The following EIF4G2 variants were observed in gnomAD, a reference collection of about 807,000 sequenced individuals.
EIF4G2 encodes the protein eukaryotic translation initiation factor 4 gamma 2.
Under a neutral mutation model 117.7 loss-of-function variants are expected in EIF4G2, and 8 were observed. That is an observed-to-expected ratio of 0.07 (90% CI 0.04 to 0.12). The LOEUF (loss-of-function observed/expected upper bound fraction) is 0.12, where lower values mean the gene tolerates loss of function less well. EIF4G2 is among the 10% of genes least tolerant of loss of function. EIF4G2 has a pLI of 1.00. For missense variants in EIF4G2, 812 were observed against 1,086.2 expected, an observed-to-expected ratio of 0.75 and a Z score of 3.55; for synonymous variants, 413 against 367.8, an observed-to-expected ratio of 1.12 and a Z score of -1.41.
chr11:10,805,142 TACTC>T, intron 4 of EIF4G2, 127 bp from the exon 5 acceptor site: 1 of 741,948 alleles, frequency 1.3e-6, no homozygotes, highest in East Asian at 2.7e-5. Flanking sequence ...CATGTTTTCT[TACTC>T]ATCTAAAACC....
chr11:10,802,274 C>T lies in EIF4G2; in HGVS notation c.1138+20G>A. 6.2e-7 allele frequency: 1 copy of T among 1,611,336 alleles called. No homozygotes were observed. Among genetic ancestry groups the T allele is most frequent in the Non-Finnish European group, 8.5e-7 (1 of 1,178,598 alleles). ...AACTGATTTTTCAGCTTAACGCAAC[C>T]ATTGTTTTTTCAAAATTACCTGGCA... On this transcript the variant is annotated intron_variant, in intron 12 of 21. Transcript: ENST00000339995.
At position 10,803,709 on chromosome 11, in the gene EIF4G2, G is replaced by T; in HGVS notation, c.703-119C>A. ...CAGTTCCTACAGAATCTAGTATAGG[G>T]CTTTCTACCAGTCTGGTTGATCAGT... On this transcript the variant is annotated intron_variant, in intron 8 of 21. Coordinates refer to ENST00000339995, the MANE Select transcript of EIF4G2 (RefSeq NM_001418.4). The surrounding 1 kb of genome is among the most constrained non-coding windows in gnomAD (Gnocchi z 4.0). The T allele has an allele frequency of 9.0e-7, 1 of 1,114,950 alleles. No individual in the cohort carries two copies. The highest frequency in any genetic ancestry group is 1.3e-6 in the Non-Finnish European group (1 of 768,406). The allele number at this position is 1,114,950 out of a possible 1,614,324, so 69.1% of individuals were successfully genotyped here.
chr11:10,808,517 T>C, intron 1 of EIF4G2, 188 bp downstream of exon 1: 1 of 1,214,540 alleles, frequency 8.2e-7, no homozygotes, highest in Non-Finnish European at 1.0e-6. Context: ...TTCTACTCCG[T>C]CAGCAACAGG....
intron 21 of EIF4G2, 141 bp downstream of exon 21, chr11:10,798,851 G>C: frequency 1.0e-6 from 1 of 969,472 alleles, no homozygotes; most frequent in Non-Finnish European, 1.5e-6. Flanking sequence ...GCTTCAAATA[G>C]TGCAGAATGA....
At chr11:10,807,867 G>A in intron 1 of EIF4G2, 1 of 994,988 alleles carries the variant, frequency 1.0e-6, no homozygotes. Context: ...GGGGCCGGGT[G>A]TACAGGACTA....
chr11:10,799,113 C>G lies in EIF4G2; in HGVS notation c.2537G>C (p.Gly846Ala). The G allele has an allele frequency of 6.8e-7, 1 of 1,468,066 alleles. No individual in the cohort carries two copies. The highest frequency in any genetic ancestry group is 9.0e-7 in the Non-Finnish European group (1 of 1,113,328). 90.9% of individuals were successfully genotyped at this position (1,468,066 alleles called of 1,614,324 possible). Residue 846 changes from glycine to alanine, a missense_variant and splice_region_variant, in exon 21 of 22, where the codon GGC becomes GCC. Around this residue, in one of 4 missense-constraint regions of EIF4G2, gnomAD observed 571 missense variants for 642.3 expected, o/e 0.89. Coordinates refer to ENST00000339995, the MANE Select transcript of EIF4G2 (RefSeq NM_001418.4). ...GTGCACAAAAAAGCGAAGTAACATGCCTTAAAAAAAAAAAAAAAAAGAAAA... is the reference window on the plus strand; with the variant it reads ...GTGCACAAAAAAGCGAAGTAACATGGCTTAAAAAAAAAAAAAAAAAGAAAA...
rs74321890 is a variant in EIF4G2, at chr11:10,803,204, G to C, written c.897+7C>G. ...CTTACCAACAAATTTAAAGAAACCA[G>C]TATTACCTGCAGCAGGAAACGAATC... is the stretch of plus-strand genomic sequence containing the variant. On this transcript the variant is annotated splice_region_variant and intron_variant, in intron 10 of 21. Transcript: ENST00000339995. The surrounding 1 kb of genome is among the most constrained non-coding windows in gnomAD (Gnocchi z 4.0). The C allele has an allele frequency of 1.3e-3, 2,118 of 1,612,856 alleles. 35 individuals are homozygous for C. The African/African-American group carries it at 0.026, about 20-fold the overall frequency.
Position 10,803,632 on chromosome 11 carries a change from C to T in EIF4G2, c.703-42G>A. ...CCATGGTGACAAAGTTTTAGTTACTCTGGTTTAGGCGTAGTACTTTCTTTC... is the reference window on the plus strand; with the variant it reads ...CCATGGTGACAAAGTTTTAGTTACTTTGGTTTAGGCGTAGTACTTTCTTTC... On this transcript the variant is annotated intron_variant, in intron 8 of 21. Transcript: ENST00000339995. The surrounding 1 kb of genome is among the most constrained non-coding windows in gnomAD (Gnocchi z 4.0). The T allele has an allele frequency of 3.9e-6, 6 of 1,521,326 alleles. No individual in the cohort carries two copies. Among genetic ancestry groups the T allele is most frequent in the Non-Finnish European group, 5.5e-6 (6 of 1,100,310 alleles). The allele number at this position is 1,521,326 out of a possible 1,614,324, so 94.2% of individuals were successfully genotyped here.
At chr11:10,802,269 G>A (rs994501540) in intron 12 of EIF4G2, 25 bp downstream of exon 12, 2 of 1,611,482 alleles carry the variant, frequency 1.2e-6, no homozygotes, top group Middle Eastern at 1.7e-4. Context: ...TCAGCTTAAC[G>A]CAACCATTGT....
At position 10,797,966 on chromosome 11, in the gene EIF4G2, T is replaced by A. The variant is rs1482643326; in HGVS notation, c.2659-85A>T. The stretch of plus-strand genomic sequence containing the variant: ...AAGTTTTAGGTGGTACTACACAGTT[T>A]TAGAATATGAAACAAGGATATCCCT... On this transcript the variant is annotated intron_variant, in intron 21 of 21. Transcript: ENST00000339995. The surrounding 1 kb of genome is among the most constrained non-coding windows in gnomAD (Gnocchi z 4.5). 6 of 1,230,264 alleles carry A rather than the reference T, an allele frequency of 4.9e-6. No individual in the cohort carries two copies. The highest frequency in any genetic ancestry group is 7.1e-6 in the Non-Finnish European group (6 of 848,292). 76.2% of individuals were successfully genotyped at this position (1,230,264 alleles called of 1,614,324 possible). A position where few individuals can be genotyped will look rare whatever the true frequency, so the allele number is the denominator to read the frequency against.
At position 10,804,150 on chromosome 11, in the gene EIF4G2, A is replaced by C. The variant is rs1354126902; in HGVS notation, c.537T>G (p.Thr179=). ...TATAAGTCTTACCATCAACATTTCTAGTTCGGTTTTCAAATTCATCTTGTA... is the reference window on the plus strand; with the variant it reads ...TATAAGTCTTACCATCAACATTTCTCGTTCGGTTTTCAAATTCATCTTGTA... Residue 179 remains threonine (T), a synonymous_variant, in exon 7 of 22, where the codon ACT becomes ACG. Coordinates refer to ENST00000339995, the MANE Select transcript of EIF4G2 (RefSeq NM_001418.4). The C allele has an allele frequency of 6.2e-7, 1 of 1,614,092 alleles. No individual in the cohort carries two copies.
intron 5 of EIF4G2, 96 bp downstream of exon 5, chr11:10,804,817 G>A (rs1264584299): frequency 4.0e-6 from 4 of 1,005,510 alleles, no homozygotes; most frequent in Non-Finnish European, 6.2e-6. Flanking sequence ...TCACACCTAA[G>A]GGTTTTAAGT....
chr11:10,807,948 G>A, intron 1 of EIF4G2: 2 of 1,017,906 alleles, frequency 2.0e-6, no homozygotes, highest in South Asian at 3.4e-5. Context: ...CCCTTCCTGG[G>A]AACAAAAGAG....
chr11:10,798,542 G>A (rs917812514), intron 21 of EIF4G2, among the ~76,000 whole-genome samples: 4 of 151,944 alleles, frequency 2.6e-5, no homozygotes, highest in Non-Finnish European at 4.4e-5. Context: ...ATGTCACCAC[G>A]TCTGGCTAAT....
chr11:10,800,703 A>G, intron 16 of EIF4G2, 28 bp downstream of exon 16: 1 of 1,614,058 alleles, frequency 6.2e-7, no homozygotes, highest in South Asian at 1.1e-5. Flanking sequence ...CAGGCTAATT[A>G]CACTAAAATG....
At chr11:10,801,111 C>G (rs754870131) in intron 14 of EIF4G2, 24 bp from the exon 15 acceptor site, 4 of 1,613,206 alleles carry the variant, frequency 2.5e-6, no homozygotes, top group Admixed American at 1.7e-5. Context: ...CAAAATATAT[C>G]TAAATTAACA....
Position 10,801,753 on chromosome 11 carries a change from T to G in EIF4G2, c.1321A>C (p.Asn441His). Residue 441 changes from asparagine (N) to histidine (H), a missense_variant, in exon 14 of 22, where the codon AAC (asparagine) becomes CAC (histidine). This residue lies in a region of EIF4G2 where 571 missense variants were observed against 642.3 expected (regional missense o/e 0.89). Transcript: ENST00000339995. ...TGGGATAAGAGTCCCTGACTCTGGTTATGGTAGAGCTGGCTTAGCCCCTAT... is the reference window on the plus strand; with the variant it reads ...TGGGATAAGAGTCCCTGACTCTGGTGATGGTAGAGCTGGCTTAGCCCCTAT... 6.2e-7 allele frequency: 1 copy of G among 1,614,094 alleles called. No individual in the cohort carries two copies. Among genetic ancestry groups the G allele is most frequent in the Non-Finnish European group, 8.5e-7 (1 of 1,180,000 alleles).
intron 12 of EIF4G2, 31 bp downstream of exon 12, chr11:10,802,263 C>G (rs1401957197): frequency 1.2e-5 from 19 of 1,611,670 alleles, no homozygotes; most frequent in Non-Finnish European, 1.6e-5. Context: ...GATTTTTCAG[C>G]TTAACGCAAC....
At chr11:10,806,365 TG>T (rs2135420262) in intron 3 of EIF4G2, 1 of 374,420 alleles carries the variant, frequency 2.7e-6, no homozygotes, top group East Asian at 5.5e-5. Context: ...TTTTAAGAGA[TG>T]GGGTCTTGCT....
Sources: gnomAD v4.1 joint callset for allele counts (sites outside exome capture counted in the v4.1 genomes callset) on GRCh38, gnomAD v4.1.1 for gene constraint, gnomAD v4.1.1 regional missense constraint, Gnocchi (gnomAD v3.1) non-coding constraint, MANE v1.5 for transcripts, NCBI Gene and HGNC (gene_info 2026-07-23, HGNC 2026-07-21) for gene names.